The following SPTBN4 variants were observed in gnomAD, a reference collection of about 807,000 sequenced individuals.
The protein encoded by SPTBN4 is spectrin beta chain, non-erythrocytic 4.
Under a neutral mutation model 277.8 loss-of-function variants are expected in SPTBN4, and 96 were observed. The ratio of observed to expected loss-of-function variants is 0.35; its 90% CI spans 0.29 to 0.41. The LOEUF (loss-of-function observed/expected upper bound fraction) is 0.41. SPTBN4 is among the 10% of genes least tolerant of loss of function. The pLI is 1.00. For missense variants in SPTBN4, 3,006 were observed against 3,595.7 expected (o/e 0.84, Z 4.19); for synonymous variants, 1,481 against 1,580.3 (o/e 0.94, Z 1.49).
At chr19:40,549,442 G>A (rs1049657251) in intron 21 of SPTBN4, 29 bp downstream of exon 21, 31 of 1,271,434 alleles carry the variant, frequency 2.4e-5, no homozygotes, top group Middle Eastern at 5.6e-4. Context: ...CCTGGGGCGG[G>A]GCGGGGCGGG....
intron 2 of SPTBN4, among the ~76,000 whole-genome samples, chr19:40,482,180 A>C (rs1048808120): frequency 1.3e-4 from 19 of 150,174 alleles, no homozygotes; most frequent in African/African-American, 4.7e-4. Context: ...CAGGTGATCG[A>C]CCCACCTCTG....
At chr19:40,571,922 A>C in intron 33 of SPTBN4, 97 bp from the exon 34 acceptor site, 1 of 1,383,898 alleles carries the variant, frequency 7.2e-7, no homozygotes, top group South Asian at 1.6e-5. Flanking sequence ...GTCCAGAGGT[A>C]GGAAGGCTCA....
chr19:40,487,669 T>G (rs2080087834), intron 2 of SPTBN4, 28 bp from the exon 3 acceptor site: 1 of 1,593,600 alleles, frequency 6.3e-7, no homozygotes, highest in Non-Finnish European at 8.5e-7. Flanking sequence ...TGGAAGCGCC[T>G]GGGGGCTCAT....
At chr19:40,528,988 G>A in intron 17 of SPTBN4, 53 bp from the exon 18 acceptor site, 2 of 1,451,586 alleles carry the variant, frequency 1.4e-6, no homozygotes, top group Non-Finnish European at 1.9e-6. Context: ...TACTGCCAGC[G>A]CCGCACCCCC....
At position 40,513,529 on chromosome 19, in the gene SPTBN4, G is replaced by A; in HGVS notation, c.2740G>A (p.Asp914Asn). ...LLSMRVPDSLDDVEVVQHRFE... is the reference protein window; with the variant it reads ...LLSMRVPDSLNDVEVVQHRFE... ...CTCCATGCGTGTGCCGGATTCACTC[G>A]ACGACGTCGAGGTGGTGCAGCACCG... Residue 914 changes from aspartate (D) to asparagine (N), a missense_variant, in exon 14 of 36, where the codon GAC becomes AAC. Coordinates refer to ENST00000598249, the MANE Select transcript of SPTBN4 (RefSeq NM_020971.3). 1 of 1,586,452 alleles carries A rather than the reference G, an allele frequency of 6.3e-7. No homozygotes were observed.
chr19:40,567,843 C>T lies in SPTBN4; in HGVS notation c.6517C>T (p.Arg2173Trp), dbSNP rs868733496. 3 of 1,522,396 alleles carry T rather than the reference C, an allele frequency of 2.0e-6. No homozygotes were observed. In the East Asian group the frequency reaches 7.9e-5, roughly 40 times the overall value. The allele number at this position is 1,522,396 out of a possible 1,614,324, so 94.3% of individuals were successfully genotyped here. The change falls in exon 31 of 36, where the codon CGG becomes TGG. Residue 2173 changes from arginine to tryptophan, a missense_variant. Arg to Trp is a moderately radical substitution (Grantham distance 101). Around this residue, in one of 5 missense-constraint regions of SPTBN4, gnomAD observed 630 missense variants for 677.6 expected, o/e 0.93. Transcript: ENST00000598249. ...CTCGGACACGCTCTCGGCCGAGGTG[C>T]GGACTCGGGTGGGGTATGTGCGCCA... ...RASDTLSAEV[R>W]TRVGYVRQEL...
At chr19:40,518,986 A>C (rs757565888) in intron 15 of SPTBN4, among the ~76,000 whole-genome samples, 51 of 152,174 alleles carry the variant, frequency 3.4e-4, no homozygotes, top group Non-Finnish European at 6.5e-4. Context: ...ATAACACAAA[A>C]TGTACTAAGA....
intron 17 of SPTBN4, among the ~76,000 whole-genome samples, chr19:40,527,436 T>C (rs2080606116): frequency 6.6e-6 from 1 of 152,186 alleles, no homozygotes; most frequent in Non-Finnish European, 1.5e-5. Context: ...ATGGAAATGA[T>C]ATATCCTAGC....
intron 1 of SPTBN4, 150 bp downstream of exon 1, chr19:40,467,455 C>G (rs45572933): frequency 6.6e-6 from 1 of 152,530 alleles, no homozygotes; most frequent in East Asian, 1.9e-4. Flanking sequence ...AGCCCACAAC[C>G]CCCCCACCCG....
intron 20 of SPTBN4, among the ~76,000 whole-genome samples, chr19:40,546,653 C>A (rs1443765527): frequency 6.6e-6 from 1 of 152,116 alleles, no homozygotes; most frequent in African/African-American, 2.4e-5. Context: ...CCAGCCTGGG[C>A]AACATAGCAA....
In SPTBN4 at chr19:40,515,281, G is replaced by C; in HGVS notation, c.2766-30G>C. On this transcript the variant is annotated intron_variant, in intron 14 of 35. Transcript: ENST00000598249. This position sits in a 1 kb window ranked among gnomAD's most constrained non-coding sequence, Gnocchi z 4.1. ...CATAAAACCAAGGTCCGCAGGGTTC[G>C]GGTGTCTGAGCATCTCCATCCTCCT... The C allele has an allele frequency of 6.2e-7, 1 of 1,609,278 alleles. No homozygotes were observed. The highest frequency in any genetic ancestry group is 8.5e-7 in the Non-Finnish European group (1 of 1,178,048).
chr19:40,491,445 AAGAT>A (rs1433828272), intron 4 of SPTBN4, among the ~76,000 whole-genome samples: 1 of 151,982 alleles, frequency 6.6e-6, no homozygotes. Context: ...CAAGTTTAGA[AAGAT>A]AGATCCCTTT....
intron 7 of SPTBN4, among the ~76,000 whole-genome samples, chr19:40,498,692 C>T (rs1488676634): frequency 1.3e-5 from 2 of 150,412 alleles, no homozygotes. Context: ...GCATGAGCCA[C>T]CATGCCCGGC....
intron 29 of SPTBN4, 44 bp from the exon 30 acceptor site, chr19:40,566,119 G>A (rs747467263): frequency 9.1e-5 from 132 of 1,453,416 alleles, no homozygotes; most frequent in Non-Finnish European, 1.0e-4. Context: ...CCCAGGAAGG[G>A]CCCCAGATGC....
At position 40,512,700 on chromosome 19, in the gene SPTBN4, C is replaced by G; in HGVS notation, c.1911C>G (p.Arg637=). 1.3e-6 allele frequency: 2 copies of G among 1,526,902 alleles called. No individual in the cohort carries two copies. Among genetic ancestry groups the G allele is most frequent in the Non-Finnish European group, 1.7e-6 (2 of 1,143,754 alleles). 94.6% of individuals were successfully genotyped at this position (1,526,902 alleles called of 1,614,324 possible). The change falls in exon 14 of 36, where the codon CGC becomes CGG. Residue 637 remains arginine, a synonymous_variant. Coordinates refer to ENST00000598249, the MANE Select transcript of SPTBN4 (RefSeq NM_020971.3). ...TGCAGGAGCAGGCAGCGCGGCGACG[C>G]GCGGAGCTGGAGGCTTCGCGGAGCC... ...AELQEQAARR[R]AELEASRSLW...
chr19:40,551,778 G>A (rs1443437963), intron 22 of SPTBN4, among the ~76,000 whole-genome samples: 2 of 152,122 alleles, frequency 1.3e-5, no homozygotes, highest in Non-Finnish European at 2.9e-5. Flanking sequence ...ATGATCACTT[G>A]AGCCCAGGAG....
At chr19:40,481,617 A>G (rs1020411582) in intron 2 of SPTBN4, among the ~76,000 whole-genome samples, 6 of 152,040 alleles carry the variant, frequency 3.9e-5, no homozygotes, top group Non-Finnish European at 7.4e-5. Context: ...CTGGGATTAC[A>G]GGCGCACACC....
intron 20 of SPTBN4, among the ~76,000 whole-genome samples, chr19:40,536,089 G>T (rs2080732189): frequency 6.6e-6 from 1 of 152,138 alleles, no homozygotes. Flanking sequence ...ATTCTGGTTG[G>T]GGGAACAAGC....
At chr19:40,529,159 G>A (rs1338586964) in intron 18 of SPTBN4, 28 bp downstream of exon 18, 1 of 1,592,816 alleles carries the variant, frequency 6.3e-7, no homozygotes, top group South Asian at 1.1e-5. Flanking sequence ...GCTGGGGACG[G>A]AGACATCCCC....
Sources: gnomAD v4.1 joint callset for allele counts (sites outside exome capture counted in the v4.1 genomes callset) on GRCh38, gnomAD v4.1.1 for gene constraint, gnomAD v4.1.1 regional missense constraint, Gnocchi (gnomAD v3.1) non-coding constraint, MANE v1.5 for transcripts, NCBI Gene and HGNC (gene_info 2026-07-23, HGNC 2026-07-21) for gene names.